CPSF4: variants seen among roughly 807,000 people sequenced by gnomAD.
CPSF4 encodes the protein cleavage and polyadenylation specificity factor subunit 4.
A neutral mutation model predicts 37.7 loss-of-function variants in CPSF4; 11 were observed. That is an observed-to-expected ratio of 0.29 (90% CI 0.18 to 0.48). The LOEUF (loss-of-function observed/expected upper bound fraction) is 0.48. Among genes scored for constraint, CPSF4 ranks in the 20% least tolerant of loss-of-function variants. The pLI, the probability that CPSF4 is intolerant of heterozygous loss-of-function variation, is 0.99. For missense variants in CPSF4, 144 were observed against 359.5 expected (o/e 0.40, Z 4.85); for synonymous variants, 132 against 135.9 (o/e 0.97, Z 0.20).
intron 2 of CPSF4, 115 bp downstream of exon 2, chr7:99,444,954 G>A (rs925214566): frequency 9.1e-6 from 8 of 883,092 alleles, no homozygotes; most frequent in South Asian, 7.1e-5. Flanking sequence ...ACAGACTAAC[G>A]ATCTCTGTAG....
chr7:99,453,741 T>C lies in CPSF4; in HGVS notation c.571-225T>C. 1 of 526,210 alleles carries C rather than the reference T, an allele frequency of 1.9e-6. No individual in the cohort carries two copies. The highest frequency in any genetic ancestry group is 3.7e-5 in the Admixed American group (1 of 26,720). The allele number at this position is 526,210 out of a possible 1,614,324, so 32.6% of individuals were successfully genotyped here. On this transcript the variant is annotated intron_variant, in intron 6 of 7. Transcript: ENST00000292476. The surrounding 1 kb of genome is among the most constrained non-coding windows in gnomAD (Gnocchi z 4.7). ...TGTCTCTTTGATGTTTTGTTTTCTA[T>C]TTTATTTTTCGTTTTTGTGTGTCTG...
intron 2 of CPSF4, among the ~76,000 whole-genome samples, chr7:99,445,584 A>C (rs2150990834): frequency 6.6e-6 from 1 of 152,232 alleles, no homozygotes; most frequent in South Asian, 2.1e-4. Context: ...GGGCTAATCC[A>C]TCAGAAGTAT....
In CPSF4 at chr7:99,443,550, G is replaced by A. The variant is rs45540431; in HGVS notation, c.104-1239G>A. The stretch of plus-strand genomic sequence containing the variant: ...AATAATTGTATGTGGGGTGGGGTGC[G>A]GTGGCTCAATCCTAGCACTTTGGGA... On this transcript the variant is annotated intron_variant, in intron 1 of 7. Coordinates refer to ENST00000292476, the MANE Select transcript of CPSF4 (RefSeq NM_006693.4). The A allele has an allele frequency of 5.0e-3, 3,074 of 616,084 alleles. 17 individuals are homozygous for A. The highest frequency in any genetic ancestry group is 7.7e-3 in the Middle Eastern group (17 of 2,222). The allele number at this position is 616,084 out of a possible 1,614,324, so 38.2% of individuals were successfully genotyped here.
In CPSF4 at chr7:99,451,038, A is replaced by G. The variant is rs45612635; in HGVS notation, c.497+243A>G. On this transcript the variant is annotated intron_variant, in intron 5 of 7. Coordinates refer to ENST00000292476, the MANE Select transcript of CPSF4 (RefSeq NM_006693.4). Reference sequence around the variant, plus strand: ...GGGTCATGGGCCATCTGGTAATGTAATGGAAGCTGTGGGATACAGACAAAC... The same window carrying G: ...GGGTCATGGGCCATCTGGTAATGTAGTGGAAGCTGTGGGATACAGACAAAC... 1,092 of 463,036 alleles carry G rather than the reference A, an allele frequency of 2.4e-3. 9 individuals are homozygous for G. Among genetic ancestry groups the G allele is most frequent in the African/African-American group, 0.019 (997 of 51,150 alleles). 28.7% of individuals were successfully genotyped at this position (463,036 alleles called of 1,614,324 possible). A position where few individuals can be genotyped will look rare whatever the true frequency, so the allele number is the denominator to read the frequency against.
intron 1 of CPSF4, chr7:99,443,279 C>A: frequency 1.3e-6 from 1 of 789,172 alleles, no homozygotes; most frequent in South Asian, 1.4e-5. Flanking sequence ...CAGTTTTTTT[C>A]AGGGGGTTCT....
chr7:99,439,245 G>C, intron 1 of CPSF4, 60 bp downstream of exon 1: 1 of 1,279,640 alleles, frequency 7.8e-7, no homozygotes, highest in Non-Finnish European at 1.1e-6. Flanking sequence ...CCGCTCCTCT[G>C]TGATCCCGGG....
chr7:99,442,890 A>G (rs1384888029), intron 1 of CPSF4: 2 of 1,256,218 alleles, frequency 1.6e-6, no homozygotes, highest in East Asian at 2.3e-5. Context: ...TCATCAGGCA[A>G]TGCCAAAGCG....
chr7:99,454,402 C>T (rs768370792), intron 7 of CPSF4, among the ~76,000 whole-genome samples: 3 of 152,138 alleles, frequency 2.0e-5, no homozygotes, highest in Non-Finnish European at 4.4e-5. Context: ...GAGGGAAGCC[C>T]CCAAGAGGCC....
Position 99,448,191 on chromosome 7 carries a change from A to G in CPSF4, c.225A>G (p.Leu75=), listed in dbSNP as rs768517934. ...TGTGCAAACACTGGCTGCGTGGCCT[A>G]TGCAAGAAAGGGGACCAGTGTGAGT... ...TVVCKHWLRG[L]CKKGDQCEFL... is the part of the protein sequence containing the mutation. The change falls in exon 3 of 8, where the codon CTA becomes CTG. Residue 75 remains leucine, a synonymous_variant. Transcript: ENST00000292476. The surrounding 1 kb of genome is among the most constrained non-coding windows in gnomAD (Gnocchi z 4.4). 1.4e-5 allele frequency: 22 copies of G among 1,614,056 alleles called. No individual in the cohort carries two copies. Among genetic ancestry groups the G allele is most frequent in the Middle Eastern group, 1.6e-4 (1 of 6,084 alleles).
At chr7:99,440,674 A>ATATATATATTTTTTTTTTTTTTTT in intron 1 of CPSF4, among the ~76,000 whole-genome samples, 2 of 88,088 alleles carry the variant, frequency 2.3e-5, no homozygotes, top group South Asian at 4.3e-4. Flanking sequence ...ATATATATAT[A>ATATATATATTTTTTTTTTTTTTTT]TTTTTTTTTT....
chr7:99,438,964 G>A lies in CPSF4; in HGVS notation c.-119G>A. Reference sequence around the variant, plus strand: ...TCCCGGCATCCCTCGGGCGGCGGCGGCGGCGGCGGCGAGGCGAAGCGAAGG... The same window carrying A: ...TCCCGGCATCCCTCGGGCGGCGGCGACGGCGGCGGCGAGGCGAAGCGAAGG... On this transcript the variant is annotated 5_prime_UTR_variant, in exon 1 of 8. Coordinates refer to ENST00000292476, the MANE Select transcript of CPSF4 (RefSeq NM_006693.4). 1 of 1,344,756 alleles carries A rather than the reference G, an allele frequency of 7.4e-7. No homozygotes were observed. Among genetic ancestry groups the A allele is most frequent in the Non-Finnish European group, 9.6e-7 (1 of 1,046,200 alleles). 83.3% of individuals were successfully genotyped at this position (1,344,756 alleles called of 1,614,324 possible).
chr7:99,443,105 G>C (rs1281239126), intron 1 of CPSF4: 1 of 866,232 alleles, frequency 1.2e-6, no homozygotes, highest in Non-Finnish European at 2.0e-6. Context: ...TCAGATGACA[G>C]ACTTTTGTTG....
chr7:99,441,436 C>T (rs1426890222), intron 1 of CPSF4: 1 of 456,176 alleles, frequency 2.2e-6, no homozygotes, highest in African/African-American at 2.0e-5. Context: ...GTTGCTCCAG[C>T]CAGGGCTTCA....
chr7:99,439,311 C>T, intron 1 of CPSF4, 126 bp downstream of exon 1: 1 of 653,630 alleles, frequency 1.5e-6, no homozygotes, highest in Non-Finnish European at 2.5e-6. Context: ...CCTGGGACCC[C>T]TCCCCTTTGG....
At chr7:99,445,204 CCACTGGCT>C (rs1169467480) in intron 2 of CPSF4, among the ~76,000 whole-genome samples, 2 of 152,178 alleles carry the variant, frequency 1.3e-5, no homozygotes, top group Non-Finnish European at 2.9e-5. Context: ...TCCATAGTTT[CCACTGGCT>C]CATGGTTTTC....
chr7:99,441,967 CAGACGTG>C (rs1797027025), intron 1 of CPSF4, among the ~76,000 whole-genome samples: 1 of 152,200 alleles, frequency 6.6e-6, no homozygotes, highest in Admixed American at 6.5e-5. Flanking sequence ...GCTAGGATTA[CAGACGTG>C]AGTCACCGCA....
At chr7:99,440,674 A>ATATATATATATATATATTTTTTTT in intron 1 of CPSF4, among the ~76,000 whole-genome samples, 2 of 88,088 alleles carry the variant, frequency 2.3e-5, no homozygotes, top group Admixed American at 1.2e-4. Context: ...ATATATATAT[A>ATATATATATATATATATTTTTTTT]TTTTTTTTTT....
chr7:99,448,481 A>C lies in CPSF4; in HGVS notation c.307+208A>C. On this transcript the variant is annotated intron_variant, in intron 3 of 7. Coordinates refer to ENST00000292476, the MANE Select transcript of CPSF4 (RefSeq NM_006693.4). This position sits in a 1 kb window ranked among gnomAD's most constrained non-coding sequence, Gnocchi z 4.4. ...TCTCTTTTTTTTTTTTTTTTTTTTTAAAGACATAGGGTCTCGCTATGTTTC... is the reference window on the plus strand; with the variant it reads ...TCTCTTTTTTTTTTTTTTTTTTTTTCAAGACATAGGGTCTCGCTATGTTTC... The C allele has an allele frequency of 2.8e-6, 1 of 353,334 alleles. No homozygotes were observed. 21.9% of individuals were successfully genotyped at this position (353,334 alleles called of 1,614,324 possible). A position where few individuals can be genotyped will look rare whatever the true frequency, so the allele number is the denominator to read the frequency against.
chr7:99,456,186 C>T lies in CPSF4; in HGVS notation c.742-246C>T, dbSNP rs45521437. On this transcript the variant is annotated intron_variant, in intron 7 of 7. Coordinates refer to ENST00000292476, the MANE Select transcript of CPSF4 (RefSeq NM_006693.4). ...AGGTCGCTAGCAGGTCGCCTTCTGG[C>T]GGCCTTGTTCTCCCTTGCATCTGCG... 6.0e-3 allele frequency among the ~76,000 whole-genome samples: 911 copies of T among 152,334 alleles called. 10 individuals are homozygous for T. The highest frequency in any genetic ancestry group is 0.021 in the African/African-American group (885 of 41,574).
Sources: gnomAD v4.1 joint callset for allele counts (sites outside exome capture counted in the v4.1 genomes callset) on GRCh38, gnomAD v4.1.1 for gene constraint, Gnocchi (gnomAD v3.1) non-coding constraint, MANE v1.5 for transcripts, NCBI Gene and HGNC (gene_info 2026-07-23, HGNC 2026-07-21) for gene names.